Variants in LRRTM4 observed in about 807,000 individuals in gnomAD.
LRRTM4 encodes the protein leucine rich repeat transmembrane neuronal 4, also known as leucine-rich repeat transmembrane neuronal protein 4.
LRRTM4 carries 25 observed loss-of-function variants against 47.6 expected under a neutral mutation model. The ratio of observed to expected loss-of-function variants is 0.53; its 90% confidence interval spans 0.38 to 0.73. The LOEUF (loss-of-function observed/expected upper bound fraction) is 0.73. LRRTM4 is among the 30% of genes least tolerant of loss of function. The pLI, the probability that LRRTM4 is intolerant of heterozygous loss-of-function variation, is 0.00. For missense variants in LRRTM4, 638 were observed against 713.4 expected, an observed-to-expected ratio of 0.89 and a Z score of 1.20; for synonymous variants, 311 against 269.5, an observed-to-expected ratio of 1.15 and a Z score of -1.51.
intron 3 of LRRTM4, among the ~76,000 whole-genome samples, chr2:77,073,689 T>C (rs1680239013): frequency 6.6e-6 from 1 of 152,120 alleles, no homozygotes; most frequent in Non-Finnish European, 1.5e-5. Context: ...AATGTGAATA[T>C]AAGATGAATT....
intron 3 of LRRTM4, among the ~76,000 whole-genome samples, chr2:76,895,051 T>G (rs911841878): frequency 6.6e-6 from 1 of 151,704 alleles, no homozygotes; most frequent in African/African-American, 2.4e-5. Context: ...AGGAAAATAC[T>G]TCGGCAAACA....
At chr2:76,781,051 T>C (rs548485546) in intron 3 of LRRTM4, among the ~76,000 whole-genome samples, 8 of 151,802 alleles carry the variant, frequency 5.3e-5, no homozygotes, top group Non-Finnish European at 1.0e-4. Flanking sequence ...TGCTTGGGGG[T>C]GCCTCCCAGT....
At chr2:76,906,211 A>T (rs1028534858) in intron 3 of LRRTM4, among the ~76,000 whole-genome samples, 1 of 152,130 alleles carries the variant, frequency 6.6e-6, no homozygotes, top group African/African-American at 2.4e-5. Flanking sequence ...TAAAGAAAAG[A>T]ATTTTCAACC....
At chr2:76,794,830 C>T (rs574391756) in intron 3 of LRRTM4, among the ~76,000 whole-genome samples, 1 of 151,806 alleles carries the variant, frequency 6.6e-6, no homozygotes, top group South Asian at 2.1e-4. Flanking sequence ...GACAATGAAA[C>T]TGACCCTACT....
chr2:77,047,381 A>G (rs903763946), intron 3 of LRRTM4, among the ~76,000 whole-genome samples: 3 of 151,988 alleles, frequency 2.0e-5, no homozygotes, highest in Non-Finnish European at 4.4e-5. Flanking sequence ...TGGCTTAAAT[A>G]ACAGATATTT....
At chr2:77,025,967 G>A (rs1437362356) in intron 3 of LRRTM4, among the ~76,000 whole-genome samples, 2 of 152,108 alleles carry the variant, frequency 1.3e-5, no homozygotes, top group Non-Finnish European at 2.9e-5. Context: ...CATGGGACAC[G>A]ATTGCACATG....
At position 77,007,969 on chromosome 2, in the gene LRRTM4, C is replaced by G. The variant is rs576235377; in HGVS notation, c.1552-259053G>C. ...TTGAGTCATTCACTGAAAATGCACA[C>G]TTTTACTGTGTTCCAGATTTATTAT... is the stretch of plus-strand genomic sequence containing the variant. On this transcript the variant is annotated intron_variant, in intron 3 of 3. Coordinates refer to ENST00000409884, the MANE Select transcript of LRRTM4 (RefSeq NM_001134745.3). 5.9e-5 allele frequency among the ~76,000 whole-genome samples: 9 copies of G among 152,272 alleles called. No homozygotes were observed. In the East Asian group the frequency reaches 9.6e-4, roughly 16 times the overall value.
chr2:76,858,909 G>A (rs577768225), intron 3 of LRRTM4, among the ~76,000 whole-genome samples: 21 of 152,206 alleles, frequency 1.4e-4, no homozygotes, highest in African/African-American at 4.6e-4. Context: ...CAAGACTCTG[G>A]TACATTCATC....
chr2:76,974,773 T>C (rs1290328166), intron 3 of LRRTM4, among the ~76,000 whole-genome samples: 3 of 151,800 alleles, frequency 2.0e-5, no homozygotes, highest in African/African-American at 7.2e-5. Flanking sequence ...TTCTGGAGTA[T>C]AGTCAACAAT....
At chr2:77,301,027 A>G (rs769995430) in intron 3 of LRRTM4, among the ~76,000 whole-genome samples, 73 of 151,978 alleles carry the variant, frequency 4.8e-4, no homozygotes, top group Non-Finnish European at 8.8e-4. Context: ...AATTAACAGG[A>G]TATGAATCCA....
intron 3 of LRRTM4, among the ~76,000 whole-genome samples, chr2:76,862,073 T>C (rs1672327932): frequency 1.5e-5 from 2 of 130,252 alleles, no homozygotes; most frequent in South Asian, 4.4e-4. Flanking sequence ...TAATTTAGGC[T>C]TTTTTTTTTT....
intron 3 of LRRTM4, among the ~76,000 whole-genome samples, chr2:76,912,424 G>C (rs1298461613): frequency 6.6e-6 from 1 of 152,154 alleles, no homozygotes; most frequent in Non-Finnish European, 1.5e-5. Context: ...GTTAGAAATA[G>C]TGCTTGGATA....
At chr2:76,918,647 G>A (rs2103801510) in intron 3 of LRRTM4, among the ~76,000 whole-genome samples, 1 of 152,176 alleles carries the variant, frequency 6.6e-6, no homozygotes, top group South Asian at 2.1e-4. Context: ...AATCACTCTT[G>A]GTGGCCTAGT....
At chr2:77,192,854 T>C (rs1299798589) in intron 3 of LRRTM4, among the ~76,000 whole-genome samples, 1 of 152,190 alleles carries the variant, frequency 6.6e-6, no homozygotes, top group Non-Finnish European at 1.5e-5. Context: ...CGAAAGAATA[T>C]CACTATTAGC....
At chr2:77,129,364 C>T (rs191973509) in intron 3 of LRRTM4, among the ~76,000 whole-genome samples, 2 of 152,236 alleles carry the variant, frequency 1.3e-5, no homozygotes, top group African/African-American at 4.8e-5. Context: ...GTTATGATAC[C>T]ATCTGTCACA....
intron 3 of LRRTM4, among the ~76,000 whole-genome samples, chr2:77,056,068 T>A (rs1345193257): frequency 2.7e-5 from 4 of 147,392 alleles, no homozygotes; most frequent in Admixed American, 2.0e-4. Context: ...GAGGGATAGC[T>A]TTAGGAGATA....
intron 3 of LRRTM4, among the ~76,000 whole-genome samples, chr2:77,124,915 A>G (rs924920116): frequency 9.9e-5 from 15 of 152,172 alleles, no homozygotes; most frequent in Non-Finnish European, 1.8e-4. Flanking sequence ...GGAAACAGGA[A>G]TAAGCATACA....
chr2:76,831,007 A>T (rs756011123), intron 3 of LRRTM4, among the ~76,000 whole-genome samples: 18 of 152,248 alleles, frequency 1.2e-4, no homozygotes, highest in Non-Finnish European at 2.5e-4. Context: ...TGAATTACTA[A>T]TCAATTACTT....
At chr2:76,769,050 A>G (rs918023341) in intron 3 of LRRTM4, among the ~76,000 whole-genome samples, 16 of 152,178 alleles carry the variant, frequency 1.1e-4, no homozygotes, top group African/African-American at 3.9e-4. Flanking sequence ...AAATGACTCA[A>G]CTTTCTTTGA....
Sources: gnomAD v4.1 joint callset for allele counts (sites outside exome capture counted in the v4.1 genomes callset) on GRCh38, gnomAD v4.1.1 for gene constraint, MANE v1.5 for transcripts, NCBI Gene and HGNC (gene_info 2026-07-23, HGNC 2026-07-21) for gene names.